The following GGA3 variants were observed in gnomAD, a reference collection of about 807,000 sequenced individuals.
GGA3 encodes the protein ADP-ribosylation factor-binding protein GGA3.
Under a neutral mutation model 77.5 loss-of-function variants are expected in GGA3, and 57 were observed. The observed-to-expected ratio is 0.74, with a 90% CI of 0.59 to 0.92. GGA3 has a LOEUF of 0.92. Ranked by LOEUF, GGA3 falls within the 40% of genes least tolerant of loss-of-function variation. The probability of loss-of-function intolerance (pLI) is 0.00; values close to 1 mark genes in which losing one functional copy is unlikely to be tolerated. For missense variants in GGA3, 970 were observed against 914.9 expected, an observed-to-expected ratio of 1.06 and a Z score of -0.78; for synonymous variants, 416 against 383.7, an observed-to-expected ratio of 1.08 and a Z score of -0.98.
intron 1 of GGA3, among the ~76,000 whole-genome samples, chr17:75,257,087 TTTTAAAAACAC>T (rs2077176334): frequency 6.6e-6 from 1 of 152,024 alleles, no homozygotes; most frequent in African/African-American, 2.4e-5. Flanking sequence ...ACTAAAGGTC[TTTTAAAAACAC>T]TTCACCAAGC....
rs781342118 is a variant in GGA3, at chr17:75,240,045, C to T, written c.1327G>A (p.Asp443Asn). 44 of 1,541,662 alleles carry T rather than the reference C, an allele frequency of 2.9e-5. No individual in the cohort carries two copies. The highest frequency in any genetic ancestry group is 3.9e-5 in the Admixed American group (2 of 50,664). The change falls in exon 13 of 17, where the codon GAT (aspartate) becomes AAT (asparagine). Residue 443 changes from aspartate to asparagine, a missense_variant. Transcript: ENST00000537686. ...RPGTAACGAS[D>N]APLLQPSAPS... ...GCTGAGGGCTGGAGCAGAGGAGCATCGGAGGCGCCACAGGCAGCGGTCCCC... is the reference window on the plus strand; with the variant it reads ...GCTGAGGGCTGGAGCAGAGGAGCATTGGAGGCGCCACAGGCAGCGGTCCCC...
intron 12 of GGA3, 36 bp downstream of exon 12, chr17:75,240,306 G>A: frequency 7.0e-7 from 1 of 1,437,018 alleles, no homozygotes. Flanking sequence ...GGAGGTCCTT[G>A]GCACAGTAGT....
chr17:75,255,479 CT>C lies in GGA3; in HGVS notation c.40+6068del, dbSNP rs577570149. On this transcript the variant is annotated intron_variant, in intron 1 of 16. Coordinates refer to ENST00000537686, the MANE Select transcript of GGA3 (RefSeq NM_138619.4). ...ACCTTAACCCACAAGTATAAGATAC[CT>C]CTACTCCCTCCTTGGCGACCGATCA... 2.1e-3 allele frequency among the ~76,000 whole-genome samples: 326 copies of C among 152,172 alleles called. 1 individual carries two copies. In the South Asian group the frequency reaches 0.022, roughly 10 times the overall value.
Position 75,241,044 on chromosome 17 carries a change from G to A in GGA3, c.960C>T (p.Cys320=). 1.9e-6 allele frequency: 3 copies of A among 1,614,080 alleles called. No homozygotes were observed. The highest frequency in any genetic ancestry group is 1.3e-5 in the African/African-American group (1 of 75,036). The change falls in exon 11 of 17, where the codon TGC becomes TGT. Residue 320 remains cysteine, a synonymous_variant. Coordinates refer to ENST00000537686, the MANE Select transcript of GGA3 (RefSeq NM_138619.4). ...GGTCGATGAGCGTGCCTTGGTTACT[G>A]CACTGACTGTTTCCTGGATGGGTCA... ...TLPDSEGNSQ[C]SNQGTLIDLA...
At chr17:75,253,571 C>T (rs1363360245) in intron 1 of GGA3, among the ~76,000 whole-genome samples, 1 of 152,158 alleles carries the variant, frequency 6.6e-6, no homozygotes, top group Non-Finnish European at 1.5e-5. Flanking sequence ...CTCTGCATTT[C>T]TGGGGGAGGG....
chr17:75,242,493 C>G lies in GGA3; in HGVS notation c.610-20G>C. On this transcript the variant is annotated intron_variant, in intron 7 of 16. Transcript: ENST00000537686. ...CTCGTCCTGCCCCAGTGAAGAAGTT[C>G]AAGAGAAAGAGAGCGTCACTTGACT... 2 of 1,614,082 alleles carry G rather than the reference C, an allele frequency of 1.2e-6. No homozygotes were observed. Among genetic ancestry groups the G allele is most frequent in the Non-Finnish European group, 8.5e-7 (1 of 1,179,950 alleles).
chr17:75,240,728 CCCCGCTCAGGGCT>C, intron 11 of GGA3, 71 bp downstream of exon 11: 1 of 1,445,078 alleles, frequency 6.9e-7, no homozygotes, highest in Non-Finnish European at 9.2e-7. Context: ...CACACTGGGG[CCCCGCTCAGGGCT>C]CCTAATTCCA....
In GGA3 at chr17:75,242,447, G is replaced by C. The variant is rs760920687; in HGVS notation, c.636C>G (p.Thr212=). ...CTTCCTCTAACGTGTGCAGACGCTT[G>C]GTCACCTTCTGGATCCGTGCCTCGT... is the stretch of plus-strand genomic sequence containing the variant. ...KEDEARIQKV[T]KRLHTLEEVN... Residue 212 remains threonine (T), a synonymous_variant, in exon 8 of 17, where the codon ACC becomes ACG. Coordinates refer to ENST00000537686, the MANE Select transcript of GGA3 (RefSeq NM_138619.4). The C allele has an allele frequency of 2.2e-5, 35 of 1,613,942 alleles. No homozygotes were observed. Among genetic ancestry groups the C allele is most frequent in the Non-Finnish European group, 2.9e-5 (34 of 1,179,952 alleles).
At chr17:75,247,626 T>G (rs556498321) in intron 1 of GGA3, among the ~76,000 whole-genome samples, 2 of 152,308 alleles carry the variant, frequency 1.3e-5, no homozygotes, top group African/African-American at 4.8e-5. Flanking sequence ...CTTTAAGTGT[T>G]TTTGAAATTG....
Position 75,241,053 on chromosome 17 carries a change from G to A in GGA3, c.951C>T (p.Asn317=), listed in dbSNP as rs773277717. ...GCGTGCCTTGGTTACTGCACTGACT[G>A]TTTCCTGGATGGGTCAACAGAGCAG... ...ATLTLPDSEG[N]SQCSNQGTLI... Residue 317 remains asparagine (N), a synonymous_variant, in exon 11 of 17, where the codon AAC becomes AAT. Coordinates refer to ENST00000537686, the MANE Select transcript of GGA3 (RefSeq NM_138619.4). 6.2e-7 allele frequency: 1 copy of A among 1,613,974 alleles called. No individual in the cohort carries two copies. Among genetic ancestry groups the A allele is most frequent in the African/African-American group, 1.3e-5 (1 of 74,908 alleles).
intron 4 of GGA3, chr17:75,244,339 G>A (rs1225745769): frequency 1.2e-5 from 4 of 332,024 alleles, no homozygotes; most frequent in Admixed American, 4.5e-5. Context: ...TGTGCCAGGT[G>A]CCTAGAGTCC....
At position 75,237,759 on chromosome 17, in the gene GGA3, A is replaced by C. The variant is rs1211773547; in HGVS notation, c.*520T>G. ...GCCAGTTCCTTATTCTGGGCCAGGC[A>C]CCTTCCTGGGCCACCTCCCTGGGGA... On this transcript the variant is annotated 3_prime_UTR_variant, in exon 17 of 17. Coordinates refer to ENST00000537686, the MANE Select transcript of GGA3 (RefSeq NM_138619.4). 7.0e-7 allele frequency: 1 copy of C among 1,429,852 alleles called. No individual in the cohort carries two copies. Among genetic ancestry groups the C allele is most frequent in the South Asian group, 1.5e-5 (1 of 66,788 alleles). The allele number at this position is 1,429,852 out of a possible 1,614,324, so 88.6% of individuals were successfully genotyped here.
intron 12 of GGA3, 94 bp downstream of exon 12, chr17:75,240,248 G>C: frequency 8.7e-7 from 1 of 1,154,990 alleles, no homozygotes; most frequent in Non-Finnish European, 1.3e-6. Context: ...GCACGCTCTG[G>C]AGGGAAGGAC....
At chr17:75,239,719 A>C in intron 13 of GGA3, 70 bp downstream of exon 13, 15 of 1,570,962 alleles carry the variant, frequency 9.5e-6, no homozygotes, top group Non-Finnish European at 1.3e-5. Flanking sequence ...CCACCCCTTC[A>C]AAGTTAGCTC....
Position 75,238,559 on chromosome 17 carries a change from A to T in GGA3, c.2061+93T>A, listed in dbSNP as rs775355987. On this transcript the variant is annotated intron_variant, in intron 16 of 16. Transcript: ENST00000537686. ...AAAGGGATGTGTCAATCCTACAGTC[A>T]AAACACTTCCAGCTGGGAGGTGGTG... 4.8e-6 allele frequency: 5 copies of T among 1,039,784 alleles called. No homozygotes were observed. The Admixed American group carries it at 1.0e-4, about 21-fold the overall frequency. The allele number at this position is 1,039,784 out of a possible 1,614,324, so 64.4% of individuals were successfully genotyped here.
intron 8 of GGA3, 185 bp from the exon 9 acceptor site, chr17:75,241,881 G>A (rs2076572952): frequency 3.2e-6 from 2 of 632,056 alleles, no homozygotes; most frequent in East Asian, 5.4e-5. Context: ...CATCACCCAG[G>A]ATGTTTGTCT....
In GGA3 at chr17:75,238,166, C is replaced by A; in HGVS notation, c.*113G>T. On this transcript the variant is annotated 3_prime_UTR_variant, in exon 17 of 17. Transcript: ENST00000537686. ...AGAAATGCCCAGGGCCCCTGTTCCA[C>A]ATCAAAGCTACAAGCACTGTTGTCA... is the stretch of plus-strand genomic sequence containing the variant. The A allele has an allele frequency of 6.7e-7, 1 of 1,499,318 alleles. No individual in the cohort carries two copies. Among genetic ancestry groups the A allele is most frequent in the Non-Finnish European group, 8.9e-7 (1 of 1,126,068 alleles). The allele number at this position is 1,499,318 out of a possible 1,614,324, so 92.9% of individuals were successfully genotyped here.
At chr17:75,242,147 T>A in intron 8 of GGA3, 189 bp downstream of exon 8, 1 of 664,506 alleles carries the variant, frequency 1.5e-6, no homozygotes. Context: ...ACAAGTCAGC[T>A]GATCCCAGGA....
At chr17:75,261,679 G>C (rs1259762394), upstream of GGA3, 5 of 1,303,068 alleles carry the variant, frequency 3.8e-6, no homozygotes, top group African/African-American at 7.5e-5. Flanking sequence ...TGAGAGGAGT[G>C]AGTGCCGTCA....
Sources: allele counts gnomAD v4.1 joint callset (sites outside exome capture counted in the v4.1 genomes callset), GRCh38; gene constraint gnomAD v4.1.1; transcripts MANE v1.5; gene names NCBI Gene and HGNC (gene_info 2026-07-23, HGNC 2026-07-21).